The following UBASH3A variants were observed in gnomAD, a reference collection of about 807,000 sequenced individuals.
UBASH3A encodes ubiquitin-associated and SH3 domain-containing protein A.
Under a neutral mutation model 73.5 loss-of-function variants are expected in UBASH3A, and 63 were observed. The ratio of observed to expected loss-of-function variants is 0.86; its 90% CI spans 0.70 to 1.06. The LOEUF is 1.06. Ranked by LOEUF, UBASH3A falls within the 50% of genes least tolerant of loss-of-function variation. UBASH3A has a pLI of 0.00. For synonymous variants in UBASH3A, 363 were observed against 351.1 expected (o/e 1.03, Z -0.38); for missense variants, 860 against 859.0 (o/e 1.00, Z -0.02).
In UBASH3A at chr21:42,413,035, G is replaced by A. The variant is rs958266661; in HGVS notation, c.366G>A (p.Gln122=). Residue 122 remains glutamine (Q), a synonymous_variant, in exon 4 of 15, where the codon CAG becomes CAA. Coordinates refer to ENST00000319294, the MANE Select transcript of UBASH3A (RefSeq NM_018961.4). This position sits in a 1 kb window ranked among gnomAD's most constrained non-coding sequence, Gnocchi z 4.5. ...TLCDFFTCED[Q]KVECLYEALK... is the part of the protein sequence containing the mutation. The stretch of plus-strand genomic sequence containing the variant: ...CTCTGTCCCCTTAGTGTGAAGACCA[G>A]AAGGTGGAATGCCTGTACGAGGCGC... The A allele has an allele frequency of 1.2e-6, 2 of 1,614,194 alleles. No individual in the cohort carries two copies. The highest frequency in any genetic ancestry group is 2.7e-5 in the African/African-American group (2 of 75,054).
At chr21:42,439,074 C>A (rs991094421) in intron 11 of UBASH3A, among the ~76,000 whole-genome samples, 1 of 152,134 alleles carries the variant, frequency 6.6e-6, no homozygotes, top group Non-Finnish European at 1.5e-5. Context: ...GTCAGAGACG[C>A]TCCCTCAGAG....
chr21:42,411,279 G>C (rs1343840382), intron 3 of UBASH3A, among the ~76,000 whole-genome samples: 1 of 149,886 alleles, frequency 6.7e-6, no homozygotes, highest in Non-Finnish European at 1.5e-5. Flanking sequence ...ATGTACATAG[G>C]TACACATGCA....
intron 7 of UBASH3A, among the ~76,000 whole-genome samples, chr21:42,420,996 T>C (rs1195066805): frequency 6.6e-6 from 1 of 152,218 alleles, no homozygotes; most frequent in South Asian, 2.1e-4. Flanking sequence ...ATGCCTCTTG[T>C]AGCCCACCCT....
In UBASH3A at chr21:42,413,445, G is replaced by C. The variant is rs772844445; in HGVS notation, c.589G>C (p.Val197Leu). 6.2e-7 allele frequency: 1 copy of C among 1,614,120 alleles called. No individual in the cohort carries two copies. Among genetic ancestry groups the C allele is most frequent in the Non-Finnish European group, 8.5e-7 (1 of 1,180,008 alleles). ...SVSRFWIFSQ[V>L]PGHGPNLRLS... ...TTCCCGCTTCTGGATTTTCAGCCAG[G>C]TGCCTGGACATGGCCCTAACCTGAG... Residue 197 changes from valine to leucine, a missense_variant, in exon 5 of 15, where the codon GTG (valine) becomes CTG (leucine). Transcript: ENST00000319294. This position sits in a 1 kb window ranked among gnomAD's most constrained non-coding sequence, Gnocchi z 4.5.
chr21:42,406,431 C>A, intron 2 of UBASH3A, 70 bp downstream of exon 2: 1 of 1,343,932 alleles, frequency 7.4e-7, no homozygotes. Flanking sequence ...GACTCCCTCC[C>A]ACCAGGGCTG....
At chr21:42,422,696 T>C (rs182959408) in intron 7 of UBASH3A, among the ~76,000 whole-genome samples, 1 of 152,354 alleles carries the variant, frequency 6.6e-6, no homozygotes, top group Admixed American at 6.5e-5. Flanking sequence ...GAATTTTATA[T>C]ATTGATTTGA....
chr21:42,443,033 G>A, intron 12 of UBASH3A: 2 of 969,770 alleles, frequency 2.1e-6, no homozygotes, highest in Non-Finnish European at 2.7e-6. Flanking sequence ...GAGCTGGACT[G>A]GAGTTTAGTC....
intron 12 of UBASH3A, 138 bp from the exon 13 acceptor site, chr21:42,443,174 C>G: frequency 7.1e-7 from 1 of 1,403,924 alleles, no homozygotes; most frequent in Non-Finnish European, 9.3e-7. Flanking sequence ...AAAACTGGAG[C>G]CTGCCTGTTG....
chr21:42,406,947 G>C (rs1361587943), intron 2 of UBASH3A, among the ~76,000 whole-genome samples: 2 of 152,188 alleles, frequency 1.3e-5, no homozygotes, highest in Non-Finnish European at 2.9e-5. Flanking sequence ...TGCTGATAGA[G>C]ACTAGCGGCC....
intron 14 of UBASH3A, among the ~76,000 whole-genome samples, chr21:42,446,414 C>T (rs934531676): frequency 9.2e-5 from 14 of 152,214 alleles, no homozygotes; most frequent in Admixed American, 6.5e-4. Context: ...AGGAAAGAAT[C>T]ACCCTAGGGT....
intron 8 of UBASH3A, among the ~76,000 whole-genome samples, chr21:42,428,245 G>A (rs1033444578): frequency 2.6e-5 from 4 of 152,176 alleles, no homozygotes; most frequent in Non-Finnish European, 5.9e-5. Context: ...CAACCCACAC[G>A]CAGCGTCCCT....
At chr21:42,411,288 C>G (rs1351801719) in intron 3 of UBASH3A, among the ~76,000 whole-genome samples, 1 of 151,676 alleles carries the variant, frequency 6.6e-6, no homozygotes, top group African/African-American at 2.4e-5. Context: ...GGTACACATG[C>G]AAACAGATAC....
intron 8 of UBASH3A, 51 bp from the exon 9 acceptor site, chr21:42,432,052 G>C (rs1226223003): frequency 2.5e-6 from 3 of 1,183,130 alleles, no homozygotes; most frequent in Non-Finnish European, 3.7e-6. Flanking sequence ...TGCAAGTCCA[G>C]TGAGTTGGAT....
At chr21:42,406,445 C>G (rs1295168480) in intron 2 of UBASH3A, 84 bp downstream of exon 2, 6 of 1,200,838 alleles carry the variant, frequency 5.0e-6, no homozygotes, top group Admixed American at 1.7e-5. Flanking sequence ...AGGGCTGATA[C>G]CAGGAAGAGC....
intron 3 of UBASH3A, among the ~76,000 whole-genome samples, chr21:42,411,727 C>A (rs1312823285): frequency 6.6e-6 from 1 of 152,180 alleles, no homozygotes; most frequent in Non-Finnish European, 1.5e-5. Context: ...TCACTGTGTA[C>A]CTTGATGCTG....
intron 2 of UBASH3A, among the ~76,000 whole-genome samples, chr21:42,408,074 A>C (rs1275629690): frequency 1.3e-5 from 2 of 152,204 alleles, no homozygotes; most frequent in Non-Finnish European, 2.9e-5. Flanking sequence ...CGTTACTTAA[A>C]TTTCTGGGAG....
Position 42,443,322 on chromosome 21 carries a change from C to T in UBASH3A, c.1642C>T (p.Pro548Ser). 2 of 1,613,002 alleles carry T rather than the reference C, an allele frequency of 1.2e-6. No individual in the cohort carries two copies. Among genetic ancestry groups the T allele is most frequent in the Non-Finnish European group, 1.7e-6 (2 of 1,179,396 alleles). The stretch of plus-strand genomic sequence containing the variant: ...TTCTCATCCTTCCAGGCCCGCGTTT[C>T]CCCTGTCCGCCCTCATGCCGGCCGA... ...NIDTDYRPAF[P>S]LSALMPAESY... The change falls in exon 13 of 15, where the codon CCC becomes TCC. Residue 548 changes from proline (P) to serine (S), a missense_variant. Transcript: ENST00000319294.
At chr21:42,434,383 A>G (rs2053590048) in intron 9 of UBASH3A, among the ~76,000 whole-genome samples, 1 of 152,144 alleles carries the variant, frequency 6.6e-6, no homozygotes, top group Non-Finnish European at 1.5e-5. Flanking sequence ...TTGACTAAAG[A>G]ATGCACAACA....
At chr21:42,435,065 C>T (rs1250075739) in intron 10 of UBASH3A, 111 bp downstream of exon 10, 2 of 1,380,290 alleles carry the variant, frequency 1.4e-6, no homozygotes, top group East Asian at 2.4e-5. Context: ...ACAGTGTTAG[C>T]TTTGTCTCCA....
Sources: allele counts gnomAD v4.1 joint callset (sites outside exome capture counted in the v4.1 genomes callset), GRCh38; gene constraint gnomAD v4.1.1; non-coding constraint Gnocchi (gnomAD v3.1); transcripts MANE v1.5; gene names NCBI Gene and HGNC (gene_info 2026-07-23, HGNC 2026-07-21).